TRHDE: variants seen among roughly 807,000 people sequenced by gnomAD.
TRHDE encodes thyrotropin releasing hormone degrading enzyme.
Under a neutral mutation model 125.7 loss-of-function variants are expected in TRHDE, and 72 were observed. The observed-to-expected ratio is 0.57, with a 90% CI of 0.47 to 0.70. The LOEUF (loss-of-function observed/expected upper bound fraction) is 0.70, where lower values mean the gene tolerates loss of function less well. Among genes scored for constraint, TRHDE ranks in the 30% least tolerant of loss-of-function variants. The pLI is 0.00. For missense variants in TRHDE, 1,110 were observed against 1,327.1 expected (o/e 0.84, Z 2.54); for synonymous variants, 509 against 509.1 (o/e 1.00, Z 0.00).
intron 7 of TRHDE, among the ~76,000 whole-genome samples, chr12:72,555,341 C>T (rs1264604150): frequency 6.6e-6 from 1 of 152,032 alleles, no homozygotes; most frequent in Non-Finnish European, 1.5e-5. Flanking sequence ...GCTTTCTTTC[C>T]TAAATCTGTC....
chr12:72,500,611 C>T (rs1433624873), intron 6 of TRHDE, among the ~76,000 whole-genome samples: 1 of 151,902 alleles, frequency 6.6e-6, no homozygotes, highest in Non-Finnish European at 1.5e-5. Flanking sequence ...AGGCTGGTCT[C>T]AAACTCCTGT....
intron 6 of TRHDE, among the ~76,000 whole-genome samples, chr12:72,537,820 A>G (rs1868944561): frequency 6.6e-6 from 1 of 152,054 alleles, no homozygotes; most frequent in Non-Finnish European, 1.5e-5. Flanking sequence ...GTTTTTGGCA[A>G]TGAGCGTATA....
At chr12:72,596,076 T>C (rs1217115430) in intron 12 of TRHDE, among the ~76,000 whole-genome samples, 5 of 152,258 alleles carry the variant, frequency 3.3e-5, no homozygotes, top group Middle Eastern at 3.4e-3. Flanking sequence ...TTGTTGACTC[T>C]CAGTTTTCAT....
intron 2 of TRHDE, among the ~76,000 whole-genome samples, chr12:72,160,213 T>C (rs921552513): frequency 2.6e-5 from 4 of 152,278 alleles, no homozygotes; most frequent in Non-Finnish European, 4.4e-5. Context: ...TGATTTCCAT[T>C]TGAATACTGC....
intron 7 of TRHDE, among the ~76,000 whole-genome samples, chr12:72,554,016 T>A (rs986127719): frequency 1.3e-5 from 2 of 151,702 alleles, no homozygotes; most frequent in Non-Finnish European, 2.9e-5. Context: ...CCTGGCTAAT[T>A]TTTGTATTTT....
intron 12 of TRHDE, among the ~76,000 whole-genome samples, chr12:72,615,973 C>A (rs1041025409): frequency 6.6e-6 from 1 of 152,074 alleles, no homozygotes; most frequent in African/African-American, 2.4e-5. Flanking sequence ...GAGGCACATT[C>A]ATATTCTATT....
intron 2 of TRHDE, among the ~76,000 whole-genome samples, chr12:72,131,380 A>C (rs1042193372): frequency 6.6e-6 from 1 of 151,966 alleles, no homozygotes; most frequent in Non-Finnish European, 1.5e-5. Flanking sequence ...CCTCTACTTA[A>C]TGTATTTTAA....
chr12:72,263,255 A>T (rs991703268), intron 2 of TRHDE: 1 of 151,996 alleles, frequency 6.6e-6, no homozygotes, highest in Non-Finnish European at 1.5e-5. Flanking sequence ...TCTTATGCAG[A>T]AGTTTGTTCA....
At chr12:72,613,954 G>C (rs1231194037) in intron 12 of TRHDE, among the ~76,000 whole-genome samples, 1 of 152,198 alleles carries the variant, frequency 6.6e-6, no homozygotes, top group African/African-American at 2.4e-5. Flanking sequence ...AGTCTGGGGA[G>C]GCCTCAGGAA....
At chr12:72,585,441 C>T (rs1039825326) in intron 12 of TRHDE, among the ~76,000 whole-genome samples, 18 of 152,214 alleles carry the variant, frequency 1.2e-4, no homozygotes, top group African/African-American at 4.3e-4. Context: ...GGTCACTCCA[C>T]AGTAAATAGA....
chr12:72,589,854 C>G (rs1400820404), intron 12 of TRHDE, among the ~76,000 whole-genome samples: 1 of 151,680 alleles, frequency 6.6e-6, no homozygotes. Flanking sequence ...GGTTTCTGGT[C>G]TTGTTAATTT....
intron 2 of TRHDE, among the ~76,000 whole-genome samples, chr12:72,247,154 T>C (rs1483409633): frequency 1.3e-5 from 2 of 152,202 alleles, no homozygotes; most frequent in East Asian, 3.8e-4. Context: ...GTCATGTATA[T>C]TAAAGCACAT....
intron 2 of TRHDE, among the ~76,000 whole-genome samples, chr12:72,247,778 G>T (rs1016427879): frequency 3.3e-5 from 5 of 152,152 alleles, no homozygotes; most frequent in African/African-American, 1.2e-4. Context: ...GCAATTTCAA[G>T]ACCCTCTTTC....
chr12:72,222,123 G>A (rs1878013984), intron 2 of TRHDE, among the ~76,000 whole-genome samples: 1 of 152,060 alleles, frequency 6.6e-6, no homozygotes, highest in South Asian at 2.1e-4. Context: ...CTGAGCTATG[G>A]AAGTCTCACA....
intron 3 of TRHDE, among the ~76,000 whole-genome samples, chr12:72,385,795 A>T (rs1025323463): frequency 2.6e-5 from 4 of 152,144 alleles, no homozygotes; most frequent in African/African-American, 9.7e-5. Flanking sequence ...TATATAGGAT[A>T]CTTAATGTTT....
chr12:72,398,050 T>C (rs1231911948), intron 3 of TRHDE, among the ~76,000 whole-genome samples: 4 of 134,054 alleles, frequency 3.0e-5, no homozygotes, highest in African/African-American at 1.0e-4. Context: ...GTTCTCATTG[T>C]TCAATTCCCA....
chr12:72,309,151 C>T (rs973121315), intron 2 of TRHDE, among the ~76,000 whole-genome samples: 2 of 152,076 alleles, frequency 1.3e-5, no homozygotes, highest in Non-Finnish European at 2.9e-5. Context: ...GTTTCCAGTC[C>T]CCAGCAGCTA....
At chr12:72,268,121 C>A (rs767001045), upstream of TRHDE, among the ~76,000 whole-genome samples, 1 of 152,066 alleles carries the variant, frequency 6.6e-6, no homozygotes, top group Non-Finnish European at 1.5e-5. Flanking sequence ...TGCCACATGG[C>A]GGCACCACTT....
intron 2 of TRHDE, among the ~76,000 whole-genome samples, chr12:72,321,483 T>A (rs1465775188): frequency 5.9e-5 from 9 of 152,200 alleles, no homozygotes; most frequent in Non-Finnish European, 1.3e-4. Context: ...TTTGGGATAC[T>A]TGTTCACCAT....
Sources: gnomAD v4.1 joint callset for allele counts (sites outside exome capture counted in the v4.1 genomes callset) on GRCh38, gnomAD v4.1.1 for gene constraint, MANE v1.5 for transcripts, NCBI Gene and HGNC (gene_info 2026-07-23, HGNC 2026-07-21) for gene names.